CRYL1: variants seen among roughly 807,000 people sequenced by gnomAD.
CRYL1 encodes lambda-crystallin homolog.
CRYL1 carries 29 observed loss-of-function variants against 36.6 expected under a neutral mutation model. The ratio of observed to expected loss-of-function variants is 0.79; its 90% CI spans 0.59 to 1.08. The LOEUF is 1.08. Ranked by LOEUF, CRYL1 falls within the 50% of genes least tolerant of loss-of-function variation. The pLI is 0.00. For synonymous variants in CRYL1, 152 were observed against 151.5 expected (o/e 1.00, Z -0.02); for missense variants, 411 against 407.9 (o/e 1.01, Z -0.06).
At chr13:20,445,661 G>C (rs1396571922) in intron 3 of CRYL1, among the ~76,000 whole-genome samples, 3 of 152,126 alleles carry the variant, frequency 2.0e-5, no homozygotes, top group Non-Finnish European at 1.5e-5. Context: ...TTTAGAAATA[G>C]ACCCTTAGGG....
chr13:20,412,196 T>C (rs1300457152), intron 6 of CRYL1, among the ~76,000 whole-genome samples: 2 of 152,032 alleles, frequency 1.3e-5, no homozygotes, highest in African/African-American at 4.8e-5. Context: ...CTTCCTGCCA[T>C]GTACTGAGCC....
chr13:20,486,913 G>C (rs1174662937), intron 3 of CRYL1, among the ~76,000 whole-genome samples: 1 of 152,074 alleles, frequency 6.6e-6, no homozygotes, highest in African/African-American at 2.4e-5. Context: ...TACTATGTAA[G>C]TGCTTTACAT....
rs371034359 is a variant in CRYL1 at position 20,483,718 on chromosome 13, T to C, written c.276+5652A>G. 1.1e-3 allele frequency among the ~76,000 whole-genome samples: 165 copies of C among 152,196 alleles called. 3 individuals carry two copies. In the South Asian group the frequency reaches 0.033, roughly 30 times the overall value. On this transcript the variant is annotated intron_variant, in intron 3 of 7. Transcript: ENST00000298248. Reference sequence around the variant, plus strand: ...CCATGCCATGCTAATTTTTTGTATTTTTGGTAGAGACGGGGTTTCACCATG... The same window carrying C: ...CCATGCCATGCTAATTTTTTGTATTCTTGGTAGAGACGGGGTTTCACCATG...
chr13:20,404,069 C>A lies in CRYL1; in HGVS notation c.*60G>T. 8.4e-7 allele frequency: 1 copy of A among 1,188,824 alleles called. No individual in the cohort carries two copies. Among genetic ancestry groups the A allele is most frequent in the Non-Finnish European group, 1.3e-6 (1 of 795,978 alleles). The allele number at this position is 1,188,824 out of a possible 1,614,324, so 73.6% of individuals were successfully genotyped here. On this transcript the variant is annotated 3_prime_UTR_variant, in exon 8 of 8. Coordinates refer to ENST00000298248, the MANE Select transcript of CRYL1 (RefSeq NM_015974.3). The stretch of plus-strand genomic sequence containing the variant: ...TATGTCACAGAGGGCTGATTAAGGG[C>A]TTGCAGTGTTCCCAAATAGGGCCTC...
chr13:20,513,236 T>C (rs1035359154), intron 1 of CRYL1, among the ~76,000 whole-genome samples: 1 of 152,132 alleles, frequency 6.6e-6, no homozygotes, highest in African/African-American at 2.4e-5. Context: ...ACACGCTGAA[T>C]AAAATATTAC....
intron 6 of CRYL1, among the ~76,000 whole-genome samples, chr13:20,412,246 C>T (rs528274588): frequency 6.6e-6 from 1 of 152,184 alleles, no homozygotes; most frequent in East Asian, 1.9e-4. Flanking sequence ...GTCTTTCACT[C>T]CACTTCCGCC....
At chr13:20,458,508 T>TA (rs1358826226) in intron 3 of CRYL1, among the ~76,000 whole-genome samples, 1 of 152,192 alleles carries the variant, frequency 6.6e-6, no homozygotes, top group Non-Finnish European at 1.5e-5. Flanking sequence ...GTGGCCGCAT[T>TA]AAAAAAGTAA....
chr13:20,436,087 T>C (rs1165293741), intron 4 of CRYL1, among the ~76,000 whole-genome samples: 1 of 152,142 alleles, frequency 6.6e-6, no homozygotes, highest in Non-Finnish European at 1.5e-5. Flanking sequence ...ATGACTTCGG[T>C]GTGAGACGTG....
chr13:20,479,585 G>T (rs940884111), intron 3 of CRYL1, among the ~76,000 whole-genome samples: 1 of 152,152 alleles, frequency 6.6e-6, no homozygotes, highest in Admixed American at 6.5e-5. Context: ...AGTGTTAAAT[G>T]TTGATTAATA....
chr13:20,497,548 T>A (rs1362074068), intron 2 of CRYL1, among the ~76,000 whole-genome samples: 3 of 134,958 alleles, frequency 2.2e-5, no homozygotes, highest in Non-Finnish European at 4.7e-5. Context: ...CACACACAAC[T>A]ACACACACCA....
chr13:20,465,974 C>T (rs1036271568), intron 3 of CRYL1, among the ~76,000 whole-genome samples: 1 of 151,740 alleles, frequency 6.6e-6, no homozygotes, highest in African/African-American at 2.4e-5. Flanking sequence ...CCATCACCTC[C>T]CTTTTCTCCC....
chr13:20,447,727 A>G (rs2032486788), intron 3 of CRYL1, among the ~76,000 whole-genome samples: 1 of 152,220 alleles, frequency 6.6e-6, no homozygotes, highest in Admixed American at 6.5e-5. Flanking sequence ...ACAAGGCATT[A>G]CTAGAGGAAC....
chr13:20,463,887 C>G (rs2032881298), intron 3 of CRYL1, among the ~76,000 whole-genome samples: 1 of 152,164 alleles, frequency 6.6e-6, no homozygotes, highest in East Asian at 1.9e-4. Context: ...TGCTGCCTGT[C>G]TACGTCCATG....
chr13:20,489,253 T>G (rs2033460059), intron 3 of CRYL1, 117 bp downstream of exon 3: 5 of 1,280,724 alleles, frequency 3.9e-6, no homozygotes, highest in Non-Finnish European at 5.4e-6. Context: ...AATCCTGCCC[T>G]TGAAGATGCA....
intron 5 of CRYL1, chr13:20,419,040 A>G (rs545675192): frequency 6.1e-4 from 93 of 152,264 alleles, no homozygotes; most frequent in African/African-American, 2.2e-3. Context: ...ACCCCAGGGC[A>G]GCGGCCAAGA....
chr13:20,414,382 G>A (rs959065127), intron 5 of CRYL1, among the ~76,000 whole-genome samples: 2 of 151,954 alleles, frequency 1.3e-5, no homozygotes, highest in African/African-American at 2.4e-5. Context: ...TACAACCTAC[G>A]GACCGCCTGC....
At chr13:20,419,449 C>T (rs950990646) in intron 5 of CRYL1, among the ~76,000 whole-genome samples, 3 of 151,878 alleles carry the variant, frequency 2.0e-5, no homozygotes, top group Non-Finnish European at 4.4e-5. Context: ...TGCGTCACCA[C>T]GCCCAGCTAA....
intron 3 of CRYL1, among the ~76,000 whole-genome samples, chr13:20,442,511 G>A (rs1224073896): frequency 6.6e-6 from 1 of 152,192 alleles, no homozygotes; most frequent in Non-Finnish European, 1.5e-5. Context: ...GCTCAGAGAA[G>A]CTGCAGTCAT....
At chr13:20,479,045 C>T (rs1418452445) in intron 3 of CRYL1, among the ~76,000 whole-genome samples, 2 of 152,068 alleles carry the variant, frequency 1.3e-5, no homozygotes, top group Non-Finnish European at 2.9e-5. Context: ...CCTCCCTTTA[C>T]ACCTGTAAAG....
Sources: allele counts gnomAD v4.1 joint callset (sites outside exome capture counted in the v4.1 genomes callset), GRCh38; gene constraint gnomAD v4.1.1; transcripts MANE v1.5; gene names NCBI Gene and HGNC (gene_info 2026-07-23, HGNC 2026-07-21).